The following MAGEB6B variants were observed in gnomAD, a reference collection of about 807,000 sequenced individuals.
The protein encoded by MAGEB6B is melanoma-associated antigen B6B.
For missense variants in MAGEB6B, 277 were observed against 251.5 expected, an observed-to-expected ratio of 1.10 and a Z score of -0.69; for synonymous variants, 107 against 102.3, an observed-to-expected ratio of 1.05 and a Z score of -0.27.
chrX:26,160,913 G>C, exon 1 of MAGEB6B: 1 of 607,418 alleles, frequency 1.6e-6, no homozygotes, highest in Non-Finnish European at 2.9e-6. Context: ...CGTTTCTCAA[G>C]AGTCTCAGGG....
At chrX:26,161,427 T>C in exon 1 of MAGEB6B, 1 of 986,980 alleles carries the variant, frequency 1.0e-6, no homozygotes, top group Non-Finnish European at 1.4e-6. Context: ...GAAGGAAGTC[T>C]GAGTGGTGAT....
downstream of MAGEB6B, among the ~76,000 whole-genome samples, chrX:26,162,360 C>T (rs866160528): frequency 2.0e-4 from 22 of 111,903 alleles, no homozygotes; most frequent in African/African-American, 5.8e-4. Flanking sequence ...TTGCCTAATT[C>T]GTTTTCCTAT....
chrX:26,161,831 G>A, downstream of MAGEB6B: 3 of 1,200,727 alleles, frequency 2.5e-6, no homozygotes, highest in Non-Finnish European at 3.4e-6. Flanking sequence ...TTAAGGCAGG[G>A]CTGGCACTGT....
chrX:26,161,455 G>C (rs776355147), exon 1 of MAGEB6B: 1 of 1,128,246 alleles, frequency 8.9e-7, no homozygotes, highest in South Asian at 1.8e-5. Context: ...TGCCGAAGTC[G>C]GGTCTCCTGA....
exon 1 of MAGEB6B, chrX:26,161,448 C>A: frequency 9.0e-7 from 1 of 1,105,784 alleles, no homozygotes; most frequent in Non-Finnish European, 1.3e-6. Context: ...AATGCGCTGC[C>A]GAAGTCGGGT....
At chrX:26,161,962 T>C, downstream of MAGEB6B, 1 of 543,625 alleles carries the variant, frequency 1.8e-6, no homozygotes, top group Middle Eastern at 3.6e-4. Flanking sequence ...AGTAGTGCAG[T>C]ATAGTAGAGG....
At chrX:26,160,839 C>T (rs1309179953) in exon 1 of MAGEB6B, 1 of 622,515 alleles carries the variant, frequency 1.6e-6, no homozygotes. Context: ...GCTTCATGCT[C>T]AAAATATGAT....
chrX:26,161,091 C>T, exon 1 of MAGEB6B: 1 of 1,115,549 alleles, frequency 9.0e-7, no homozygotes, highest in Non-Finnish European at 1.2e-6. Flanking sequence ...GTTTCAGGCT[C>T]AAAATCTGAT....
At chrX:26,161,733 A>C (rs1357176072) in exon 1 of MAGEB6B, 10 of 1,209,292 alleles carry the variant, frequency 8.3e-6, no homozygotes, top group Non-Finnish European at 1.0e-5. Context: ...GTTTTGGCCG[A>C]GATCAATAAC....
chrX:26,160,953 G>T (rs768468379), exon 1 of MAGEB6B: 17 of 635,650 alleles, frequency 2.7e-5, no homozygotes, highest in Middle Eastern at 3.0e-4. Flanking sequence ...CCTGATGCAG[G>T]TATTTCATGC....
At chrX:26,161,701 C>G in exon 1 of MAGEB6B, 7 of 1,211,851 alleles carry the variant, frequency 5.8e-6, no homozygotes, top group Non-Finnish European at 7.8e-6. Flanking sequence ...ATGCTGAAAC[C>G]ACCAAGATGA....
chrX:26,161,165 A>G, exon 1 of MAGEB6B: 1 of 777,128 alleles, frequency 1.3e-6, no homozygotes, highest in Non-Finnish European at 2.0e-6. Flanking sequence ...GTTCTTTACA[A>G]CCACAGACGG....
chrX:26,161,603 G>A (rs754927846), exon 1 of MAGEB6B: 1 of 1,211,381 alleles, frequency 8.3e-7, no homozygotes, highest in Admixed American at 2.2e-5. Context: ...CATTACTGAA[G>A]ATTTGGTGCA....
chrX:26,160,704 A>G (rs1358333070), exon 1 of MAGEB6B: 1 of 573,046 alleles, frequency 1.7e-6, no homozygotes. Flanking sequence ...GCAGAGAAAC[A>G]AGAAGAGTCT....
chrX:26,162,225 A>T (rs1298275899), downstream of MAGEB6B, among the ~76,000 whole-genome samples: 1 of 112,299 alleles, frequency 8.9e-6, no homozygotes, highest in Non-Finnish European at 1.9e-5. Context: ...AGAACTAGAT[A>T]ACATGATAAT....
At chrX:26,161,282 C>G (rs778154724) in exon 1 of MAGEB6B, 4 of 641,306 alleles carry the variant, frequency 6.2e-6, no homozygotes, top group Non-Finnish European at 8.0e-6. Context: ...TCTCCGCAGA[C>G]AGTACAAGCC....
exon 1 of MAGEB6B, chrX:26,161,098 T>C: frequency 9.1e-7 from 1 of 1,094,102 alleles, no homozygotes; most frequent in Non-Finnish European, 1.3e-6. Context: ...GCTCAAAATC[T>C]GATGTGGCTG....
At chrX:26,161,865 G>C (rs376644951), downstream of MAGEB6B, 132 of 1,143,633 alleles carry the variant, frequency 1.2e-4, no homozygotes, top group African/African-American at 1.7e-3. Context: ...GCACCTTATG[G>C]GGCCATATCC....
chrX:26,160,625 C>T (rs1386066693), exon 1 of MAGEB6B: 1 of 571,281 alleles, frequency 1.8e-6, no homozygotes, highest in Admixed American at 2.2e-5. Flanking sequence ...GAAGAGTAAG[C>T]TCCGTGCCCG....
Sources: allele counts gnomAD v4.1 joint callset (sites outside exome capture counted in the v4.1 genomes callset), GRCh38; gene constraint gnomAD v4.1.1; transcripts MANE v1.5; gene names NCBI Gene and HGNC (gene_info 2026-07-23, HGNC 2026-07-21).